The following CHRNB2 variants were observed in gnomAD, a reference collection of about 807,000 sequenced individuals.
CHRNB2 encodes neuronal acetylcholine receptor subunit beta-2.
A neutral mutation model predicts 42.7 loss-of-function variants in CHRNB2; 33 were observed. The observed-to-expected ratio is 0.77, with a 90% confidence interval of 0.59 to 1.03. The LOEUF (loss-of-function observed/expected upper bound fraction) is 1.03. CHRNB2 is among the 50% of genes least tolerant of loss of function. The pLI, the probability that CHRNB2 is intolerant of heterozygous loss-of-function variation, is 0.00. For missense variants in CHRNB2, 603 were observed against 700.9 expected, an observed-to-expected ratio of 0.86 and a Z score of 1.58; for synonymous variants, 325 against 292.9, an observed-to-expected ratio of 1.11 and a Z score of -1.12.
At chr1:154,569,757 G>A in intron 2 of CHRNB2, 35 bp from the exon 3 acceptor site, 8 of 1,614,126 alleles carry the variant, frequency 5.0e-6, no homozygotes, top group Non-Finnish European at 6.8e-6. Context: ...CACAGGCTTA[G>A]GGGCCTTCTC....
At position 154,576,901 on chromosome 1, in the gene CHRNB2, T is replaced by C. The variant is rs1453935298; in HGVS notation, c.*969T>C. 1 of 152,266 alleles carries C rather than the reference T, an allele frequency of 6.6e-6. No homozygotes were observed. The highest frequency in any genetic ancestry group is 1.5e-5 in the Non-Finnish European group (1 of 68,062). The allele number at this position is 152,266 out of a possible 1,614,324, so 9.4% of individuals were successfully genotyped here. A position where few individuals can be genotyped will look rare whatever the true frequency, so the allele number is the denominator to read the frequency against. The stretch of plus-strand genomic sequence containing the variant: ...CTTCCTCCCTGCCCTGAGATCCATC[T>C]GTCGAGTGCCCTGTTTTTTCCCCAC... On this transcript the variant is annotated 3_prime_UTR_variant, in exon 6 of 6. Transcript: ENST00000368476.
chr1:154,573,454 T>A (rs1398794122), intron 5 of CHRNB2, among the ~76,000 whole-genome samples: 2 of 152,226 alleles, frequency 1.3e-5, no homozygotes, highest in Admixed American at 6.5e-5. Flanking sequence ...TGGCTCAGAC[T>A]GAAAACCCAG....
At position 154,571,075 on chromosome 1, in the gene CHRNB2, T is replaced by C; in HGVS notation, c.366-114T>C. 1 of 1,596,354 alleles carries C rather than the reference T, an allele frequency of 6.3e-7. No homozygotes were observed. The highest frequency in any genetic ancestry group is 8.5e-7 in the Non-Finnish European group (1 of 1,174,194). Reference sequence around the variant, plus strand: ...CTGGATGGTTACTCTCAGATCTGGGTGTCCCCTCCCCATGTCTCCCTCTGG... The same window carrying C: ...CTGGATGGTTACTCTCAGATCTGGGCGTCCCCTCCCCATGTCTCCCTCTGG... On this transcript the variant is annotated intron_variant, in intron 4 of 5. Transcript: ENST00000368476. The surrounding 1 kb of genome is among the most constrained non-coding windows in gnomAD (Gnocchi z 6.8).
chr1:154,570,400 T>A (rs1385439559), intron 4 of CHRNB2, 33 bp downstream of exon 4: 1 of 1,335,474 alleles, frequency 7.5e-7, no homozygotes, highest in East Asian at 2.3e-5. Flanking sequence ...GGGAGACCAT[T>A]GGAGGGCTCA....
At chr1:154,575,112 C>G (rs1377710900) in intron 5 of CHRNB2, among the ~76,000 whole-genome samples, 1 of 152,236 alleles carries the variant, frequency 6.6e-6, no homozygotes, top group African/African-American at 2.4e-5. Flanking sequence ...GCCAGGCCGG[C>G]TGAGGCAGCC....
intron 5 of CHRNB2, among the ~76,000 whole-genome samples, chr1:154,573,072 A>C (rs566051346): frequency 2.0e-5 from 3 of 152,260 alleles, no homozygotes; most frequent in African/African-American, 7.2e-5. Flanking sequence ...TGGGGGATGA[A>C]GAAGGGCACT....
At position 154,568,023 on chromosome 1, in the gene CHRNB2, G is replaced by A; in HGVS notation, c.-22G>A. ...GGCGCGCTCCAGCCGGTGTAGGCGA[G>A]GCAGCGAGCTATGCCCGCGGCATGG... On this transcript the variant is annotated 5_prime_UTR_variant, in exon 1 of 6. Transcript: ENST00000368476. 6.4e-7 allele frequency: 1 copy of A among 1,561,572 alleles called. No homozygotes were observed. Among genetic ancestry groups the A allele is most frequent in the Non-Finnish European group, 8.6e-7 (1 of 1,157,906 alleles).
chr1:154,568,826 A>ACTT (rs1696109104), intron 1 of CHRNB2, among the ~76,000 whole-genome samples: 1 of 151,716 alleles, frequency 6.6e-6, no homozygotes, highest in South Asian at 2.1e-4. Flanking sequence ...TGTGTGTGAA[A>ACTT]CTTGGGGCTA....
Position 154,570,385 on chromosome 1 carries a change from G to T in CHRNB2, c.365+18G>T. On this transcript the variant is annotated intron_variant, in intron 4 of 5. Transcript: ENST00000368476. ...TACAACAAGTAGGTGCAATGGGAAG[G>T]TTGGGGGAGACCATTGGAGGGCTCA... 1 of 1,483,502 alleles carries T rather than the reference G, an allele frequency of 6.7e-7. No individual in the cohort carries two copies. The highest frequency in any genetic ancestry group is 9.4e-7 in the Non-Finnish European group (1 of 1,064,456). 91.9% of individuals were successfully genotyped at this position (1,483,502 alleles called of 1,614,324 possible).
At chr1:154,574,237 C>T (rs1259412071) in intron 5 of CHRNB2, among the ~76,000 whole-genome samples, 1 of 152,214 alleles carries the variant, frequency 6.6e-6, no homozygotes, top group Non-Finnish European at 1.5e-5. Flanking sequence ...CAGTGTGTCT[C>T]TCCTAAGAAC....
rs183646595 is a variant in CHRNB2 at position 154,568,735 on chromosome 1, C to T, written c.64+627C>T. ...AGTTGCAGAGGGGGATGCAGTGTGC[C>T]GGGGAGGGGCAGGTACAAAGGGAAT... is the stretch of plus-strand genomic sequence containing the variant. On this transcript the variant is annotated intron_variant, in intron 1 of 5. Transcript: ENST00000368476. Among the ~76,000 whole-genome samples the T allele has an allele frequency of 4.0e-5, 6 of 151,802 alleles. No individual in the cohort carries two copies. In the East Asian group the frequency reaches 5.9e-4, roughly 15 times the overall value.
chr1:154,574,490 T>C (rs952499445), intron 5 of CHRNB2, among the ~76,000 whole-genome samples: 1 of 152,208 alleles, frequency 6.6e-6, no homozygotes, highest in Non-Finnish European at 1.5e-5. Context: ...TAAACGTTTT[T>C]AAAGGGACCA....
chr1:154,568,216 C>T (rs1204473090), intron 1 of CHRNB2, 108 bp downstream of exon 1: 32 of 1,328,486 alleles, frequency 2.4e-5, no homozygotes, highest in Admixed American at 4.0e-5. Flanking sequence ...AGAAGGGATT[C>T]CCTAGAGGTG....
chr1:154,573,873 C>T (rs1386362096), intron 5 of CHRNB2, among the ~76,000 whole-genome samples: 6 of 152,152 alleles, frequency 3.9e-5, no homozygotes, highest in South Asian at 2.1e-4. Flanking sequence ...CTCAGCCTCC[C>T]GAGTAGCTGG....
In CHRNB2 at chr1:154,571,323, A is replaced by G; in HGVS notation, c.500A>G (p.Gln167Arg). 6.2e-7 allele frequency: 1 copy of G among 1,614,252 alleles called. No homozygotes were observed. The highest frequency in any genetic ancestry group is 8.5e-7 in the Non-Finnish European group (1 of 1,180,048). ...GTAAAGCACTTCCCATTTGACCAGC[A>G]GAACTGCACCATGAAGTTCCGTTCG... is the stretch of plus-strand genomic sequence containing the variant. ...IEVKHFPFDQQNCTMKFRSWT... is the reference protein window; with the variant it reads ...IEVKHFPFDQRNCTMKFRSWT... Residue 167 changes from glutamine to arginine, a missense_variant, in exon 5 of 6, where the codon CAG becomes CGG. Transcript: ENST00000368476. The surrounding 1 kb of genome is among the most constrained non-coding windows in gnomAD (Gnocchi z 6.8).
In CHRNB2 at chr1:154,576,143, G is replaced by C. The variant is rs199833512; in HGVS notation, c.*211G>C. 9 of 626,514 alleles carry C rather than the reference G, an allele frequency of 1.4e-5. No homozygotes were observed. Among genetic ancestry groups the C allele is most frequent in the Non-Finnish European group, 2.6e-5 (9 of 349,284 alleles). 38.8% of individuals were successfully genotyped at this position (626,514 alleles called of 1,614,324 possible). On this transcript the variant is annotated 3_prime_UTR_variant, in exon 6 of 6. Transcript: ENST00000368476. ...CTGGACCAACTGCTTTGTTTTGGCT[G>C]CTCTCCATCTCTTGTACCAGCCCAG...
In CHRNB2 at chr1:154,571,189, T is replaced by C. The variant is rs748227150; in HGVS notation, c.366T>C (p.Asn122=). Residue 122 remains asparagine, a splice_region_variant and synonymous_variant, in exon 5 of 6, where the codon AAT becomes AAC. Transcript: ENST00000368476. The surrounding 1 kb of genome is among the most constrained non-coding windows in gnomAD (Gnocchi z 6.8). ...GCTGACTGTGCCCATCCTTTGGCAG[T>C]GCTGACGGCATGTACGAGGTGTCCT... ...IWLPDVVLYN[N]ADGMYEVSFY... is the part of the protein sequence containing the mutation. 2 of 1,614,212 alleles carry C rather than the reference T, an allele frequency of 1.2e-6. No individual in the cohort carries two copies. The highest frequency in any genetic ancestry group is 1.1e-5 in the South Asian group (1 of 91,092).
rs1696290649 is a variant in CHRNB2 at position 154,576,862 on chromosome 1, A to C, written c.*930A>C. The C allele has an allele frequency of 6.6e-6, 1 of 152,264 alleles. No individual in the cohort carries two copies. The highest frequency in any genetic ancestry group is 1.5e-5 in the Non-Finnish European group (1 of 68,056). The allele number at this position is 152,264 out of a possible 1,614,324, so 9.4% of individuals were successfully genotyped here. ...CTGACCCACACGGTGAGACAAGCAC[A>C]GGTGGGTCTGACTCTTCCTCCCTGC... On this transcript the variant is annotated 3_prime_UTR_variant, in exon 6 of 6. Transcript: ENST00000368476.
At chr1:154,568,754 AG>A (rs768044746) in intron 1 of CHRNB2, among the ~76,000 whole-genome samples, 102 of 152,014 alleles carry the variant, frequency 6.7e-4, no homozygotes, top group Non-Finnish European at 1.2e-3. Flanking sequence ...GCAGGTACAA[AG>A]GGAATGCACA....
Sources: gnomAD v4.1 joint callset for allele counts (sites outside exome capture counted in the v4.1 genomes callset) on GRCh38, gnomAD v4.1.1 for gene constraint, Gnocchi (gnomAD v3.1) non-coding constraint, MANE v1.5 for transcripts, NCBI Gene and HGNC (gene_info 2026-07-23, HGNC 2026-07-21) for gene names.